The following EXOC4 variants were observed in gnomAD, a reference collection of about 807,000 sequenced individuals.
The protein encoded by EXOC4 is exocyst complex component 4.
In EXOC4, 71 loss-of-function variants were observed where a neutral mutation model predicts 107.2. That is an observed-to-expected ratio of 0.66 (90% CI 0.55 to 0.81). The LOEUF is 0.81. Ranked by LOEUF, EXOC4 falls within the 30% of genes least tolerant of loss-of-function variation. The pLI is 0.00. For synonymous variants in EXOC4, 456 were observed against 441.2 expected (o/e 1.03, Z -0.42); for missense variants, 1,108 against 1,189.6 (o/e 0.93, Z 1.01).
chr7:133,599,594 T>C (rs1339772943), intron 9 of EXOC4, among the ~76,000 whole-genome samples: 1 of 152,216 alleles, frequency 6.6e-6, no homozygotes, highest in Non-Finnish European at 1.5e-5. Flanking sequence ...GTTACCAAAT[T>C]AGCCTTTCAG....
chr7:133,722,169 G>T (rs922287595), intron 10 of EXOC4, among the ~76,000 whole-genome samples: 6 of 152,196 alleles, frequency 3.9e-5, no homozygotes, highest in African/African-American at 1.2e-4. Flanking sequence ...AATAGGCTTT[G>T]CCCTGTATCC....
intron 10 of EXOC4, among the ~76,000 whole-genome samples, chr7:133,679,355 A>G (rs1794134679): frequency 6.6e-6 from 1 of 152,114 alleles, no homozygotes; most frequent in Admixed American, 6.5e-5. Context: ...TTCTATTAAT[A>G]ATACTTTTCA....
chr7:133,430,523 G>A (rs1435597255), intron 7 of EXOC4, among the ~76,000 whole-genome samples: 3 of 152,076 alleles, frequency 2.0e-5, no homozygotes, highest in African/African-American at 7.2e-5. Flanking sequence ...ATCAGTTGGT[G>A]GACATCTGGG....
At chr7:133,368,400 A>C (rs12534801) in intron 6 of EXOC4, among the ~76,000 whole-genome samples, 35,654 of 152,146 alleles carry the variant, frequency 0.23, 4,308 homozygotes, top group South Asian at 0.3. Flanking sequence ...TTTACTAATC[A>C]AGCTGTAAGA....
rs575089359 is a variant in EXOC4 at position 133,476,188 on chromosome 7, A to C, written c.1328+715A>C. Among the ~76,000 whole-genome samples the C allele has an allele frequency of 4.6e-5, 7 of 152,320 alleles. No homozygotes were observed. The East Asian group carries it at 1.2e-3, about 25-fold the overall frequency. Reference sequence around the variant, plus strand: ...TTTATTGAGTTCTTACTAAGTGCTAATCAAGGCATTAAATTATTCTCATAG... The same window carrying C: ...TTTATTGAGTTCTTACTAAGTGCTACTCAAGGCATTAAATTATTCTCATAG... On this transcript the variant is annotated intron_variant, in intron 8 of 17. Transcript: ENST00000253861.
chr7:133,925,693 G>A (rs1800034209), intron 13 of EXOC4, among the ~76,000 whole-genome samples: 1 of 152,070 alleles, frequency 6.6e-6, no homozygotes, highest in African/African-American at 2.4e-5. Flanking sequence ...ACCTGGAGCA[G>A]AATTTTCAGG....
intron 11 of EXOC4, among the ~76,000 whole-genome samples, chr7:133,851,318 T>C (rs1357017114): frequency 1.3e-5 from 2 of 152,188 alleles, no homozygotes; most frequent in Admixed American, 6.5e-5. Flanking sequence ...GATAATATGA[T>C]AGAAAATATT....
Position 133,926,185 on chromosome 7 carries a change from G to A in EXOC4, c.2027+8447G>A, listed in dbSNP as rs1185817710. Among the ~76,000 whole-genome samples the A allele has an allele frequency of 5.9e-5, 9 of 152,222 alleles. No homozygotes were observed. In the East Asian group the frequency reaches 1.5e-3, roughly 26 times the overall value. The stretch of plus-strand genomic sequence containing the variant: ...ATTATTATTCCTACTCAACATATGA[G>A]GAAACTGAGGTGCAGAGGAAGTAAA... On this transcript the variant is annotated intron_variant, in intron 13 of 17. Coordinates refer to ENST00000253861, the MANE Select transcript of EXOC4 (RefSeq NM_021807.4).
At chr7:133,451,552 C>T (rs948594430) in intron 7 of EXOC4, among the ~76,000 whole-genome samples, 6 of 151,624 alleles carry the variant, frequency 4.0e-5, no homozygotes, top group Non-Finnish European at 8.8e-5. Flanking sequence ...TTTTTTCTTT[C>T]ATTTGTTTGA....
At chr7:133,755,236 T>A (rs1194942892) in intron 10 of EXOC4, among the ~76,000 whole-genome samples, 1 of 105,878 alleles carries the variant, frequency 9.4e-6, no homozygotes, top group Non-Finnish European at 1.8e-5. Context: ...ATATATATAA[T>A]ATATATAATA....
intron 17 of EXOC4, among the ~76,000 whole-genome samples, chr7:134,020,171 A>G (rs1286951647): frequency 6.6e-6 from 1 of 152,176 alleles, no homozygotes; most frequent in Non-Finnish European, 1.5e-5. Flanking sequence ...GTGCTTCCCA[A>G]AGACTAGAAG....
At chr7:133,667,317 ACACT>A (rs983160759) in intron 10 of EXOC4, among the ~76,000 whole-genome samples, 103 of 151,974 alleles carry the variant, frequency 6.8e-4, no homozygotes, top group African/African-American at 2.4e-3. Context: ...ATGATGACTG[ACACT>A]CACATCCATC....
At chr7:133,622,280 T>A (rs1208651285) in intron 9 of EXOC4, among the ~76,000 whole-genome samples, 1 of 152,170 alleles carries the variant, frequency 6.6e-6, no homozygotes, top group African/African-American at 2.4e-5. Flanking sequence ...TGGCCGATTT[T>A]TTTTCTTCTT....
intron 10 of EXOC4, among the ~76,000 whole-genome samples, chr7:133,669,831 A>G (rs1253987614): frequency 6.6e-6 from 1 of 152,180 alleles, no homozygotes; most frequent in Non-Finnish European, 1.5e-5. Flanking sequence ...TTTCTGAGGA[A>G]CACTTACAAG....
At chr7:133,839,887 C>T (rs1797989841) in intron 11 of EXOC4, among the ~76,000 whole-genome samples, 1 of 152,152 alleles carries the variant, frequency 6.6e-6, no homozygotes, top group South Asian at 2.1e-4. Flanking sequence ...CAGTCTCAGA[C>T]ACTGGGGCAA....
At chr7:133,610,682 A>G (rs1802056466) in intron 9 of EXOC4, among the ~76,000 whole-genome samples, 2 of 151,984 alleles carry the variant, frequency 1.3e-5, no homozygotes, top group South Asian at 2.1e-4. Flanking sequence ...TGAGGATTCA[A>G]CTCTTGTGAT....
intron 7 of EXOC4, among the ~76,000 whole-genome samples, chr7:133,463,253 G>T (rs550122481): frequency 6.6e-6 from 1 of 152,282 alleles, no homozygotes; most frequent in South Asian, 2.1e-4. Flanking sequence ...TTTGATCCCA[G>T]GTGATCAGAA....
At position 133,274,982 on chromosome 7, in the gene EXOC4, GACT is replaced by G; in HGVS notation, c.88_90del (p.Thr30del). The stretch of plus-strand genomic sequence containing the variant: ...TTGATATACTCTCTGCCTTCACCAG[GACT>G]CTGTCTACTAGTGACGATGTCGAAG... On this transcript the variant is annotated inframe_deletion and splice_region_variant, in exon 2 of 18. Coordinates refer to ENST00000253861, the MANE Select transcript of EXOC4 (RefSeq NM_021807.4). The G allele has an allele frequency of 6.3e-7, 1 of 1,596,108 alleles. No individual in the cohort carries two copies. The highest frequency in any genetic ancestry group is 2.2e-5 in the East Asian group (1 of 44,790).
At chr7:134,010,433 T>C (rs1794736871) in intron 17 of EXOC4, 1 of 152,144 alleles carries the variant, frequency 6.6e-6, no homozygotes, top group Non-Finnish European at 1.5e-5. Flanking sequence ...CTACTCATAG[T>C]CTCTTTCCCT....
Sources: allele counts gnomAD v4.1 joint callset (sites outside exome capture counted in the v4.1 genomes callset), GRCh38; gene constraint gnomAD v4.1.1; transcripts MANE v1.5; gene names NCBI Gene and HGNC (gene_info 2026-07-23, HGNC 2026-07-21).